The following KYAT1 variants were observed in gnomAD, a reference collection of about 807,000 sequenced individuals.
The protein encoded by KYAT1 is kynurenine aminotransferase 1.
KYAT1 carries 47 observed loss-of-function variants against 52.4 expected under a neutral mutation model. The ratio of observed to expected loss-of-function variants is 0.90; its 90% confidence interval spans 0.71 to 1.14. The LOEUF (loss-of-function observed/expected upper bound fraction) is 1.14. Ranked by LOEUF, KYAT1 falls within the 50% of genes most tolerant of loss-of-function variation. The probability of loss-of-function intolerance (pLI) is 0.00; values close to 1 mark genes in which losing one functional copy is unlikely to be tolerated. For missense variants in KYAT1, 480 were observed against 557.9 expected (o/e 0.86, Z 1.41); for synonymous variants, 212 against 209.6 (o/e 1.01, Z -0.10).
chr9:128,842,704 G>A lies in KYAT1; in HGVS notation c.151C>T (p.Gln51Ter), dbSNP rs1211511211. The A allele has an allele frequency of 1.2e-6, 2 of 1,614,208 alleles. No individual in the cohort carries two copies. Among genetic ancestry groups the A allele is most frequent in the Non-Finnish European group, 1.7e-6 (2 of 1,180,024 alleles). The change falls in exon 3 of 13, where the codon CAG becomes TAG. Residue 51 changes from glutamine (Q) to a stop codon, truncating the protein, a stop_gained. Transcript: ENST00000302586. LOFTEE classifies it high-confidence loss of function. Reference sequence around the variant, plus strand: ...ATGAAGTCTCCACTGACAGCGTGCTGAAAGGCTTCCACGGCAAAGTCTGGT... The same window carrying A: ...ATGAAGTCTCCACTGACAGCGTGCTAAAAGGCTTCCACGGCAAAGTCTGGT... ...PPPDFAVEAFQHAVSGDFMLN... is the reference protein window; with the variant it reads ...PPPDFAVEAF
intron 3 of KYAT1, among the ~76,000 whole-genome samples, chr9:128,840,330 C>T (rs1831921616): frequency 6.6e-6 from 1 of 152,072 alleles, no homozygotes; most frequent in Admixed American, 6.6e-5. Context: ...ACCACCTCGG[C>T]CCACTGCAAC....
chr9:128,873,074 T>A (rs1319802299), intron 1 of KYAT1, among the ~76,000 whole-genome samples: 92 of 118,718 alleles, frequency 7.7e-4, no homozygotes, highest in African/African-American at 2.2e-3. Flanking sequence ...AGACTCCATT[T>A]AAAAAAAAAA....
chr9:128,834,717 A>G (rs2118889379), intron 11 of KYAT1, among the ~76,000 whole-genome samples: 1 of 151,184 alleles, frequency 6.6e-6, no homozygotes, highest in African/African-American at 2.4e-5. Flanking sequence ...CCAGTTACCC[A>G]ACTACTCAGG....
At chr9:128,843,435 G>C (rs1832563775) in intron 2 of KYAT1, among the ~76,000 whole-genome samples, 1 of 150,388 alleles carries the variant, frequency 6.6e-6, no homozygotes, top group Non-Finnish European at 1.5e-5. Flanking sequence ...CTGGAGTGCA[G>C]TGGTGCAATC....
chr9:128,833,354 G>A lies in KYAT1; in HGVS notation c.*230C>T. ...GACCCTACAAACCCACCTATGGAGG[G>A]GCAGGGAGAGGCCCAGGTCAGGCCA... On this transcript the variant is annotated 3_prime_UTR_variant, in exon 13 of 13. Coordinates refer to ENST00000302586, the MANE Select transcript of KYAT1 (RefSeq NM_004059.5). 2 of 606,832 alleles carry A rather than the reference G, an allele frequency of 3.3e-6. No individual in the cohort carries two copies. Among genetic ancestry groups the A allele is most frequent in the South Asian group, 3.9e-5 (2 of 50,962 alleles). The allele number at this position is 606,832 out of a possible 1,614,324, so 37.6% of individuals were successfully genotyped here. A position where few individuals can be genotyped will look rare whatever the true frequency, so the allele number is the denominator to read the frequency against.
rs185900800 is a variant in KYAT1, at chr9:128,840,746, G to C, written c.201+1908C>G. ...TACTTAGTTGTTTGTTTATTTTTCA[G>C]ACAGGATCTCACTATGTTGCACTGG... On this transcript the variant is annotated intron_variant, in intron 3 of 12. Coordinates refer to ENST00000302586, the MANE Select transcript of KYAT1 (RefSeq NM_004059.5). 151 of 407,080 alleles carry C rather than the reference G, an allele frequency of 3.7e-4. 1 individual carries two copies. The highest frequency in any genetic ancestry group is 2.7e-3 in the Middle Eastern group (7 of 2,634). 25.2% of individuals were successfully genotyped at this position (407,080 alleles called of 1,614,324 possible).
intron 1 of KYAT1, among the ~76,000 whole-genome samples, chr9:128,865,564 G>A (rs983163181): frequency 7.3e-5 from 11 of 150,552 alleles, no homozygotes; most frequent in African/African-American, 2.0e-4. Flanking sequence ...GTTTCACTAC[G>A]TTGTCCAGGC....
intron 1 of KYAT1, chr9:128,846,698 G>C (rs1192464610): frequency 1.3e-6 from 2 of 1,532,634 alleles, no homozygotes; most frequent in East Asian, 4.9e-5. Context: ...GGTGACCCTG[G>C]ATAGGTAATT....
chr9:128,863,786 T>G (rs1369126228), intron 1 of KYAT1, among the ~76,000 whole-genome samples: 4 of 152,168 alleles, frequency 2.6e-5, no homozygotes, highest in Admixed American at 2.0e-4. Context: ...GCTTTGAGGT[T>G]GCTGGCCCAG....
At chr9:128,879,326 A>C (rs1838484547) in intron 1 of KYAT1, among the ~76,000 whole-genome samples, 2 of 151,852 alleles carry the variant, frequency 1.3e-5, no homozygotes. Context: ...AAAAAAAGGA[A>C]TTATGCAGGG....
chr9:128,875,206 A>G (rs989418693), intron 1 of KYAT1, among the ~76,000 whole-genome samples: 5 of 118,812 alleles, frequency 4.2e-5, no homozygotes, highest in Non-Finnish European at 7.2e-5. Flanking sequence ...ACAGCTAGCT[A>G]TTTCTTCCAT....
chr9:128,839,518 G>A (rs1468615724), intron 3 of KYAT1, among the ~76,000 whole-genome samples: 2 of 152,078 alleles, frequency 1.3e-5, no homozygotes, highest in East Asian at 1.9e-4. Context: ...AGCTCTACTC[G>A]GGAGGCTGAG....
At chr9:128,841,243 G>C (rs1223263349) in intron 3 of KYAT1, among the ~76,000 whole-genome samples, 1 of 152,206 alleles carries the variant, frequency 6.6e-6, no homozygotes, top group Non-Finnish European at 1.5e-5. Context: ...GGTGGCTCAC[G>C]CCTGTAATCC....
intron 7 of KYAT1, 142 bp from the exon 8 acceptor site, chr9:128,836,215 T>TC (rs1831069843): frequency 1.7e-6 from 1 of 577,674 alleles, no homozygotes; most frequent in African/African-American, 1.9e-5. Flanking sequence ...CAATTTTTTT[T>TC]CTTTCTTTCT....
At chr9:128,874,789 A>G (rs1301071323) in intron 1 of KYAT1, among the ~76,000 whole-genome samples, 1 of 133,484 alleles carries the variant, frequency 7.5e-6, no homozygotes, top group Non-Finnish European at 1.5e-5. Flanking sequence ...CAGTGGCGTG[A>G]TCTCGGCTCA....
intron 1 of KYAT1, among the ~76,000 whole-genome samples, chr9:128,874,138 C>T (rs1403572103): frequency 6.6e-6 from 1 of 151,406 alleles, no homozygotes; most frequent in Non-Finnish European, 1.5e-5. Context: ...CGCCTGTGAT[C>T]CCAGCTACTC....
chr9:128,869,377 G>T (rs1836902907), intron 1 of KYAT1, among the ~76,000 whole-genome samples: 1 of 150,728 alleles, frequency 6.6e-6, no homozygotes, highest in Non-Finnish European at 1.5e-5. Context: ...TAGCCAGGGT[G>T]GTCTTGATCT....
intron 1 of KYAT1, among the ~76,000 whole-genome samples, chr9:128,881,224 GCGCCCACCACCA>G (rs1173268863): frequency 6.6e-6 from 1 of 152,114 alleles, no homozygotes; most frequent in Non-Finnish European, 1.5e-5. Context: ...GGGACTACAG[GCGCCCACCACCA>G]CGCCCGGCTG....
intron 1 of KYAT1, among the ~76,000 whole-genome samples, chr9:128,853,657 T>A (rs1473853240): frequency 6.6e-6 from 1 of 152,240 alleles, no homozygotes; most frequent in African/African-American, 2.4e-5. Context: ...CCAGGGCCTT[T>A]AACTAAGGCA....
Sources: gnomAD v4.1 joint callset for allele counts (sites outside exome capture counted in the v4.1 genomes callset) on GRCh38, gnomAD v4.1.1 for gene constraint, MANE v1.5 for transcripts, NCBI Gene and HGNC (gene_info 2026-07-23, HGNC 2026-07-21) for gene names.